Variants in CEP295 observed in about 807,000 individuals in gnomAD.
CEP295 encodes centrosomal protein 295.
A neutral mutation model predicts 291.6 loss-of-function variants in CEP295; 190 were observed. That is an observed-to-expected ratio of 0.65 (90% confidence interval 0.58 to 0.73). CEP295 has a LOEUF of 0.73. CEP295 is among the 30% of genes least tolerant of loss of function. CEP295 has a pLI of 0.00. For missense variants in CEP295, 2,863 were observed against 2,949.4 expected (o/e 0.97, Z 0.68); for synonymous variants, 993 against 1,038.8 (o/e 0.96, Z 0.85).
chr11:93,700,290 G>C, intron 15 of CEP295, 104 bp downstream of exon 15: 1 of 1,029,232 alleles, frequency 9.7e-7, no homozygotes, highest in Non-Finnish European at 1.4e-6. Flanking sequence ...AAAGTAGTTT[G>C]ACCTTAACTG....
intron 2 of CEP295, among the ~76,000 whole-genome samples, chr11:93,667,075 T>C (rs1358882440): frequency 6.6e-6 from 1 of 152,220 alleles, no homozygotes; most frequent in Admixed American, 6.5e-5. Flanking sequence ...AAATGGTCTG[T>C]AATTGGTAAC....
chr11:93,703,767 CTT>C (rs748490554), intron 17 of CEP295, among the ~76,000 whole-genome samples: 9 of 127,894 alleles, frequency 7.0e-5, no homozygotes, highest in Admixed American at 3.3e-4. Context: ...CCCTGTAATT[CTT>C]TTTTTTTTTT....
At chr11:93,728,884 C>T in intron 25 of CEP295, 63 bp downstream of exon 25, 1 of 1,407,568 alleles carries the variant, frequency 7.1e-7, no homozygotes, top group Non-Finnish European at 9.5e-7. Context: ...TTGTCTCTTA[C>T]AACTTATCAG....
At chr11:93,681,517 A>G (rs565555470) in intron 7 of CEP295, among the ~76,000 whole-genome samples, 1 of 138,140 alleles carries the variant, frequency 7.2e-6, no homozygotes, top group Admixed American at 8.3e-5. Context: ...CTGGGTTCAA[A>G]TGACTCTCCT....
At chr11:93,673,096 T>A (rs1950526679) in intron 5 of CEP295, among the ~76,000 whole-genome samples, 1 of 152,244 alleles carries the variant, frequency 6.6e-6, no homozygotes, top group Non-Finnish European at 1.5e-5. Context: ...AGCATTCTAA[T>A]GTGTACTACC....
chr11:93,673,451 A>G (rs549813558), intron 5 of CEP295, among the ~76,000 whole-genome samples: 6 of 152,118 alleles, frequency 3.9e-5, no homozygotes, highest in African/African-American at 1.4e-4. Flanking sequence ...GGTCTAGGTA[A>G]TTCTCAACTT....
At chr11:93,704,361 C>T (rs918102531) in intron 17 of CEP295, among the ~76,000 whole-genome samples, 2 of 152,108 alleles carry the variant, frequency 1.3e-5, no homozygotes, top group Non-Finnish European at 2.9e-5. Context: ...TGCAATGACT[C>T]ACACCTGTAA....
chr11:93,676,187 A>G (rs1950679573), intron 6 of CEP295, among the ~76,000 whole-genome samples: 1 of 151,922 alleles, frequency 6.6e-6, no homozygotes, highest in Admixed American at 6.6e-5. Context: ...TTTTATCCAC[A>G]TCTCTGATTA....
intron 7 of CEP295, among the ~76,000 whole-genome samples, chr11:93,681,520 ACT>A (rs1314523843): frequency 1.3e-3 from 189 of 143,336 alleles, no homozygotes; most frequent in African/African-American, 4.7e-3. Context: ...GGTTCAAATG[ACT>A]CTCCTGCCTT....
At chr11:93,687,422 G>C (rs945808458) in intron 9 of CEP295, among the ~76,000 whole-genome samples, 2 of 152,126 alleles carry the variant, frequency 1.3e-5, no homozygotes, top group Admixed American at 6.5e-5. Flanking sequence ...GAAAATACTT[G>C]AATTTTGGCA....
intron 8 of CEP295, 91 bp from the exon 9 acceptor site, chr11:93,683,873 T>C: frequency 5.5e-6 from 8 of 1,447,344 alleles, no homozygotes; most frequent in South Asian, 1.3e-5. Context: ...ATATTTTAGA[T>C]TGAGACATTA....
In CEP295 at chr11:93,697,337, G is replaced by C; in HGVS notation, c.2425G>C (p.Glu809Gln). ...TAAAGTTGAGTCAGGAAAAATTCAA[G>C]AACCCTTTTCAGCCATGAGCAAAAG... Reference protein sequence around the residue: ...PVKVESGKIQEPFSAMSKSTV... With the variant: ...PVKVESGKIQQPFSAMSKSTV... The change falls in exon 15 of 30, where the codon GAA becomes CAA. Residue 809 changes from glutamate (E) to glutamine (Q), a missense_variant. Around this residue, in one of 3 missense-constraint regions of CEP295, gnomAD observed 2,295 missense variants for 2,335.7 expected, o/e 0.98. Transcript: ENST00000325212. The C allele has an allele frequency of 1.3e-6, 2 of 1,551,734 alleles. No homozygotes were observed. Among genetic ancestry groups the C allele is most frequent in the Non-Finnish European group, 1.7e-6 (2 of 1,147,012 alleles).
rs1224317458 is a variant in CEP295, at chr11:93,681,082, A to G, written c.765+1530A>G. Among the ~76,000 whole-genome samples, 3 of 152,216 alleles carry G rather than the reference A, an allele frequency of 2.0e-5. No homozygotes were observed. In the East Asian group the frequency reaches 5.8e-4, roughly 29 times the overall value. ...TAAAACAGACACAAAAAGCAGTCAT[A>G]AATTGAACAGATTCTTCCATAAAAG... On this transcript the variant is annotated intron_variant, in intron 7 of 29. Coordinates refer to ENST00000325212, the MANE Select transcript of CEP295 (RefSeq NM_033395.2).
In CEP295 at chr11:93,684,178, A is replaced by T. The variant is rs1951112001; in HGVS notation, c.1114+50A>T. On this transcript the variant is annotated intron_variant, in intron 9 of 29. Transcript: ENST00000325212. ...TTACAGTATTTCACAGAAAAAAAAA[A>T]TGCTAACCATTAGCCAGCAGTTAGG... 8.7e-6 allele frequency: 13 copies of T among 1,492,210 alleles called. No individual in the cohort carries two copies. The East Asian group carries it at 3.2e-4, about 37-fold the overall frequency. 92.4% of individuals were successfully genotyped at this position (1,492,210 alleles called of 1,614,324 possible).
chr11:93,685,745 C>T (rs1270435301), intron 9 of CEP295, among the ~76,000 whole-genome samples: 1 of 151,714 alleles, frequency 6.6e-6, no homozygotes, highest in African/African-American at 2.4e-5. Flanking sequence ...GAGTCTTGCT[C>T]TGTTGCCCAG....
chr11:93,704,233 A>G (rs1019413736), intron 17 of CEP295, among the ~76,000 whole-genome samples: 1 of 152,122 alleles, frequency 6.6e-6, no homozygotes, highest in African/African-American at 2.4e-5. Context: ...TTGTATCCCC[A>G]TTAGTATAGT....
At chr11:93,669,620 G>C in intron 4 of CEP295, 57 bp from the exon 5 acceptor site, 1 of 1,145,394 alleles carries the variant, frequency 8.7e-7, no homozygotes, top group Non-Finnish European at 1.3e-6. Flanking sequence ...TTTTAACCCT[G>C]TTGTACTATA....
chr11:93,672,531 T>C (rs1449111934), intron 5 of CEP295, among the ~76,000 whole-genome samples: 4 of 152,026 alleles, frequency 2.6e-5, no homozygotes, highest in East Asian at 3.9e-4. Context: ...AAAGCAATCC[T>C]CCTGCTTCCG....
In CEP295 at chr11:93,667,717, A is replaced by T. The variant is rs976476445; in HGVS notation, c.219A>T (p.Glu73Asp). The change falls in exon 3 of 30, where the codon GAA becomes GAT. Residue 73 changes from glutamate (E) to aspartate (D), a missense_variant. Coordinates refer to ENST00000325212, the MANE Select transcript of CEP295 (RefSeq NM_033395.2). ...LAEELRAEWE[E>D]SQTQKIQNLE... ...AGGAGCTAAGGGCAGAATGGGAAGA[A>T]TCACAAACTCAGAAAATACAGAACT... 2.6e-6 allele frequency: 4 copies of T among 1,551,458 alleles called. No individual in the cohort carries two copies. In the African/African-American group the frequency reaches 5.5e-5, roughly 21 times the overall value.
Sources: gnomAD v4.1 joint callset for allele counts (sites outside exome capture counted in the v4.1 genomes callset) on GRCh38, gnomAD v4.1.1 for gene constraint, gnomAD v4.1.1 regional missense constraint, MANE v1.5 for transcripts, NCBI Gene and HGNC (gene_info 2026-07-23, HGNC 2026-07-21) for gene names.